ADAMTS9: variants seen among roughly 807,000 people sequenced by gnomAD.
ADAMTS9 encodes the protein A disintegrin and metalloproteinase with thrombospondin motifs 9.
Under a neutral mutation model 257.1 loss-of-function variants are expected in ADAMTS9, and 107 were observed. The ratio of observed to expected loss-of-function variants is 0.42; its 90% confidence interval spans 0.36 to 0.49. The LOEUF (loss-of-function observed/expected upper bound fraction) is 0.49. Ranked by LOEUF, ADAMTS9 falls within the 20% of genes least tolerant of loss-of-function variation. The probability of loss-of-function intolerance (pLI) is 0.03; values close to 1 mark genes in which losing one functional copy is unlikely to be tolerated. For missense variants in ADAMTS9, 2,353 were observed against 2,469.1 expected (o/e 0.95, Z 1.00); for synonymous variants, 982 against 880.9 (o/e 1.11, Z -2.03).
At chr3:64,649,118 A>G (rs1175637134) in intron 10 of ADAMTS9, among the ~76,000 whole-genome samples, 2 of 152,142 alleles carry the variant, frequency 1.3e-5, no homozygotes, top group African/African-American at 4.8e-5. Context: ...CATGCAGCAA[A>G]ACTATCACAC....
At chr3:64,600,051 C>CTTTTTTTTTTTT (rs35753372) in intron 26 of ADAMTS9, among the ~76,000 whole-genome samples, 13 of 104,186 alleles carry the variant, frequency 1.2e-4, no homozygotes, top group East Asian at 2.9e-4. Context: ...AGTTTCTGTT[C>CTTTTTTTTTTTT]TTTTTTTTTT....
chr3:64,577,111 C>G (rs7617412), intron 28 of ADAMTS9, among the ~76,000 whole-genome samples: 93,796 of 152,018 alleles, frequency 0.62, 31,679 homozygotes, highest in African/African-American at 0.88. Context: ...TTTTTGTTCT[C>G]CAAGAGTGGA....
At chr3:64,581,734 T>G (rs572138163) in intron 28 of ADAMTS9, among the ~76,000 whole-genome samples, 1 of 152,230 alleles carries the variant, frequency 6.6e-6, no homozygotes, top group Non-Finnish European at 1.5e-5. Flanking sequence ...CAGCATCCAC[T>G]TCCCTTATGG....
At chr3:64,596,050 T>C (rs1016925464) in intron 27 of ADAMTS9, among the ~76,000 whole-genome samples, 3 of 152,200 alleles carry the variant, frequency 2.0e-5, no homozygotes, top group Non-Finnish European at 4.4e-5. Context: ...TATTACTACA[T>C]TATAGTGGCA....
At chr3:64,548,337 C>T (rs1330803666) in intron 31 of ADAMTS9, among the ~76,000 whole-genome samples, 2 of 152,158 alleles carry the variant, frequency 1.3e-5, no homozygotes. Context: ...TTTCTTCCTT[C>T]TTTGGCTGCT....
intron 26 of ADAMTS9, among the ~76,000 whole-genome samples, chr3:64,598,514 C>T (rs938608193): frequency 2.0e-5 from 3 of 151,950 alleles, no homozygotes; most frequent in Admixed American, 6.6e-5. Flanking sequence ...GAGACAAGGT[C>T]TCACTATGTT....
chr3:64,615,418 A>C lies in ADAMTS9; in HGVS notation c.3092T>G (p.Val1031Gly). ...ATGTGTGCATTTGCTGTCATCCAGTACATCATTTCGGGTATTGACACAAAT... is the reference window on the plus strand; with the variant it reads ...ATGTGTGCATTTGCTGTCATCCAGTCCATCATTTCGGGTATTGACACAAAT... The part of the protein sequence containing the change: ...RAICVNTRND[V>G]LDDSKCTHQE... The change falls in exon 21 of 40, where the codon GTA (valine) becomes GGA (glycine). Residue 1031 changes from valine to glycine, a missense_variant. Val to Gly is a moderately radical substitution (Grantham distance 109). This residue lies in a region of ADAMTS9 where 1,402 missense variants were observed against 1,441.4 expected (regional missense o/e 0.97). Transcript: ENST00000498707. 1.2e-6 allele frequency: 2 copies of C among 1,614,068 alleles called. No individual in the cohort carries two copies. Among genetic ancestry groups the C allele is most frequent in the Non-Finnish European group, 1.7e-6 (2 of 1,179,944 alleles).
intron 14 of ADAMTS9, 126 bp downstream of exon 14, chr3:64,633,345 AC>A: frequency 2.8e-6 from 4 of 1,404,322 alleles, no homozygotes; most frequent in Non-Finnish European, 3.8e-6. Context: ...TCCCGGGGCC[AC>A]ACTTTGAGAA....
chr3:64,612,026 T>C (rs1440007850), intron 22 of ADAMTS9, among the ~76,000 whole-genome samples: 1 of 152,218 alleles, frequency 6.6e-6, no homozygotes, highest in Non-Finnish European at 1.5e-5. Flanking sequence ...TAAAAAATAT[T>C]AGAAGCAAAT....
At chr3:64,636,408 T>C (rs1045434119) in intron 12 of ADAMTS9, among the ~76,000 whole-genome samples, 1 of 152,202 alleles carries the variant, frequency 6.6e-6, no homozygotes, top group Admixed American at 6.5e-5. Flanking sequence ...TTAGGCGAGT[T>C]GCTTAATCTT....
chr3:64,640,726 T>A (rs1200488728), intron 12 of ADAMTS9, among the ~76,000 whole-genome samples: 1 of 152,228 alleles, frequency 6.6e-6, no homozygotes, highest in Non-Finnish European at 1.5e-5. Context: ...ACTTACCTAT[T>A]ATTTTCTATT....
At chr3:64,580,112 A>ATG (rs140832587) in intron 28 of ADAMTS9, among the ~76,000 whole-genome samples, 3,893 of 152,096 alleles carry the variant, frequency 0.026, 155 homozygotes, top group African/African-American at 0.088. Context: ...GCAAAAATGT[A>ATG]TGTGTGTGTA....
intron 30 of ADAMTS9, among the ~76,000 whole-genome samples, chr3:64,560,504 G>C (rs1182703696): frequency 6.6e-6 from 1 of 152,192 alleles, no homozygotes; most frequent in Admixed American, 6.5e-5. Context: ...TGGTTTAAGA[G>C]AACAAGCTTA....
At chr3:64,583,392 T>G (rs920779597) in intron 28 of ADAMTS9, 1 of 152,218 alleles carries the variant, frequency 6.6e-6, no homozygotes, top group African/African-American at 2.4e-5. Flanking sequence ...TTATGGGAAA[T>G]TCAACTCTCC....
chr3:64,531,492 G>A (rs1319244528), intron 38 of ADAMTS9, among the ~76,000 whole-genome samples: 1 of 151,336 alleles, frequency 6.6e-6, no homozygotes, highest in Non-Finnish European at 1.5e-5. Context: ...AAAAGAGATG[G>A]TGTCTCACTT....
At chr3:64,561,532 G>T in intron 30 of ADAMTS9, 46 bp downstream of exon 30, 1 of 1,573,542 alleles carries the variant, frequency 6.4e-7, no homozygotes, top group Non-Finnish European at 8.7e-7. Context: ...AGCAAGGGGC[G>T]CACACGTGAA....
intron 23 of ADAMTS9, among the ~76,000 whole-genome samples, chr3:64,605,950 G>A (rs2084549464): frequency 6.6e-6 from 1 of 152,138 alleles, no homozygotes; most frequent in African/African-American, 2.4e-5. Context: ...TACATTTGTT[G>A]ATTTTTGCTG....
At chr3:64,584,454 A>G (rs1342622954) in intron 28 of ADAMTS9, among the ~76,000 whole-genome samples, 2 of 152,118 alleles carry the variant, frequency 1.3e-5, no homozygotes, top group African/African-American at 4.8e-5. Flanking sequence ...GTTTCTGCTG[A>G]GCTCTGCCAC....
At chr3:64,568,057 TG>T (rs1559768188) in intron 29 of ADAMTS9, among the ~76,000 whole-genome samples, 1 of 152,152 alleles carries the variant, frequency 6.6e-6, no homozygotes, top group Non-Finnish European at 1.5e-5. Context: ...GTTTTCTATG[TG>T]GTGATAATGC....
Sources: allele counts gnomAD v4.1 joint callset (sites outside exome capture counted in the v4.1 genomes callset), GRCh38; gene constraint gnomAD v4.1.1; regional missense constraint gnomAD v4.1.1; transcripts MANE v1.5; gene names NCBI Gene and HGNC (gene_info 2026-07-23, HGNC 2026-07-21).